Variants in HHIPL1 observed in about 807,000 individuals in gnomAD.
The protein encoded by HHIPL1 is HHIP-like protein 1.
In HHIPL1, 43 loss-of-function variants were observed where a neutral mutation model predicts 61.8. The observed-to-expected ratio is 0.70, with a 90% CI of 0.55 to 0.90. HHIPL1 has a LOEUF of 0.90. Ranked by LOEUF, HHIPL1 falls within the 40% of genes least tolerant of loss-of-function variation. HHIPL1 has a pLI of 0.00. For synonymous variants in HHIPL1, 482 were observed against 515.8 expected, an observed-to-expected ratio of 0.93 and a Z score of 0.89; for missense variants, 1,056 against 1,157.7, an observed-to-expected ratio of 0.91 and a Z score of 1.28.
chr14:99,674,503 G>A (rs2056363629), intron 8 of HHIPL1, among the ~76,000 whole-genome samples: 1 of 152,104 alleles, frequency 6.6e-6, no homozygotes, highest in Admixed American at 6.5e-5. Flanking sequence ...ACCCGCTGGT[G>A]CCAACCTTGG....
the HHIPL1 span, among the ~76,000 whole-genome samples, chr14:99,635,014 C>G: frequency 6.6e-6 from 1 of 152,160 alleles, no homozygotes; most frequent in African/African-American, 2.4e-5. Context: ...CACTACCTCC[C>G]CTCCGAGGGG....
In HHIPL1 at chr14:99,675,378, G is replaced by C. The variant is rs756403591; in HGVS notation, c.2101G>C (p.Asp701His). 1.3e-6 allele frequency: 2 copies of C among 1,515,282 alleles called. No individual in the cohort carries two copies. Among genetic ancestry groups the C allele is most frequent in the South Asian group, 2.4e-5 (2 of 81,788 alleles). The allele number at this position is 1,515,282 out of a possible 1,614,324, so 93.9% of individuals were successfully genotyped here. Residue 701 changes from aspartate to histidine, a missense_variant, in exon 9 of 9, where the codon GAC (aspartate) becomes CAC (histidine). Coordinates refer to ENST00000330710, the MANE Select transcript of HHIPL1 (RefSeq NM_001127258.3). This position sits in a 1 kb window ranked among gnomAD's most constrained non-coding sequence, Gnocchi z 5.4. ...FVGGRWGTVC[D>H]DSWNISGAAV... ...GGGCGGACGCTGGGGCACCGTGTGC[G>C]ACGACTCCTGGAACATCAGCGGCGC... is the stretch of plus-strand genomic sequence containing the variant.
At chr14:99,650,171 TGGGCCCTGGCCTG>T in intron 1 of HHIPL1, among the ~76,000 whole-genome samples, 1 of 152,180 alleles carries the variant, frequency 6.6e-6, no homozygotes, top group African/African-American at 2.4e-5. Context: ...CAGGAGTGAG[TGGGCCCTGGCCTG>T]GGGCTTGAGA....
intron 7 of HHIPL1, among the ~76,000 whole-genome samples, chr14:99,669,471 A>G (rs1424610964): frequency 6.6e-6 from 1 of 152,104 alleles, no homozygotes; most frequent in Non-Finnish European, 1.5e-5. Flanking sequence ...TTTGAGACAC[A>G]CCAGGTTTGG....
At position 99,652,580 on chromosome 14, in the gene HHIPL1, T is replaced by A; in HGVS notation, c.612T>A (p.Asp204Glu). 1 of 1,613,190 alleles carries A rather than the reference T, an allele frequency of 6.2e-7. No homozygotes were observed. Among genetic ancestry groups the A allele is most frequent in the Non-Finnish European group, 8.5e-7 (1 of 1,179,904 alleles). Residue 204 changes from aspartate (D) to glutamate (E), a missense_variant, in exon 2 of 9, where the codon GAT becomes GAA. Transcript: ENST00000330710. ...CCGTGGCCATGGTCCATGCCAGGGA[T>A]GGCACCCACCGCTTCTTCGTGGCCG... ...RNPVAMVHAR[D>E]GTHRFFVAEQ... is the part of the protein sequence containing the mutation.
intron 2 of HHIPL1, among the ~76,000 whole-genome samples, chr14:99,654,692 G>A (rs1488025588): frequency 6.6e-6 from 1 of 152,214 alleles, no homozygotes; most frequent in African/African-American, 2.4e-5. Flanking sequence ...AATCAAATAT[G>A]TTAGCTATGA....
At chr14:99,617,180 T>C in the HHIPL1 span, among the ~76,000 whole-genome samples, 1 of 152,148 alleles carries the variant, frequency 6.6e-6, no homozygotes, top group Non-Finnish European at 1.5e-5. Context: ...AAGTTACAAA[T>C]AAATGCATTC....
At chr14:99,605,369 A>AGGCGGGGCGGGGCGG in the HHIPL1 span, among the ~76,000 whole-genome samples, 13 of 76,712 alleles carry the variant, frequency 1.7e-4, no homozygotes, top group South Asian at 7.1e-4. Flanking sequence ...TACCGCCAGC[A>AGGCGGGGCGGGGCGG]GGCGGGGCGG....
In HHIPL1 at chr14:99,652,466, C is replaced by T; in HGVS notation, c.498C>T (p.Asn166=). Residue 166 remains asparagine (N), a synonymous_variant, in exon 2 of 9, where the codon AAC becomes AAT. Coordinates refer to ENST00000330710, the MANE Select transcript of HHIPL1 (RefSeq NM_001127258.3). ...YCFPYLLVNK[N]LNSNLGHVVA... ...TCCCTTACCTGCTGGTCAACAAGAA[C>T]CTCAACTCAAACCTGGGCCACGTGG... 1.2e-6 allele frequency: 2 copies of T among 1,614,096 alleles called. No homozygotes were observed. The highest frequency in any genetic ancestry group is 2.7e-5 in the African/African-American group (2 of 75,054).
At chr14:99,635,608 C>G in the HHIPL1 span, among the ~76,000 whole-genome samples, 1 of 152,122 alleles carries the variant, frequency 6.6e-6, no homozygotes, top group East Asian at 1.9e-4. Flanking sequence ...GTCAGGCTCC[C>G]CTTTCACCCT....
the HHIPL1 span, among the ~76,000 whole-genome samples, chr14:99,637,126 AAG>A: frequency 2.0e-4 from 25 of 126,378 alleles, 1 homozygote; most frequent in Non-Finnish European, 2.7e-4. Context: ...AAAGAAAAGA[AAG>A]AGAGAGAGAG....
At chr14:99,633,912 A>G in the HHIPL1 span, among the ~76,000 whole-genome samples, 5 of 152,340 alleles carry the variant, frequency 3.3e-5, no homozygotes, top group South Asian at 1.0e-3. Flanking sequence ...ACAGGATCAG[A>G]AGGCCCCTGG....
chr14:99,616,317 C>A, the HHIPL1 span, among the ~76,000 whole-genome samples: 1 of 152,222 alleles, frequency 6.6e-6, no homozygotes, highest in Non-Finnish European at 1.5e-5. Context: ...ATGACAGCAA[C>A]TAATGACACA....
At chr14:99,611,731 T>G in the HHIPL1 span, among the ~76,000 whole-genome samples, 1 of 118,070 alleles carries the variant, frequency 8.5e-6, no homozygotes, top group African/African-American at 2.6e-5. Context: ...CCCAGCCTAG[T>G]TTTTGGGTTG....
At position 99,652,618 on chromosome 14, in the gene HHIPL1, T is replaced by C; in HGVS notation, c.650T>C (p.Leu217Pro). Residue 217 changes from leucine to proline, a missense_variant, in exon 2 of 9, where the codon CTG becomes CCG. By Grantham distance (98) the Leu-to-Pro change is moderately conservative (BLOSUM62 -3). Coordinates refer to ENST00000330710, the MANE Select transcript of HHIPL1 (RefSeq NM_001127258.3). Reference protein sequence around the residue: ...HRFFVAEQVGLVWAYLPDRSR... With the variant: ...HRFFVAEQVGPVWAYLPDRSR... ...TTCTTCGTGGCCGAGCAGGTGGGGC[T>C]GGTGTGGGCCTACCTGCCCGACCGC... 6.2e-7 allele frequency: 1 copy of C among 1,613,460 alleles called. No individual in the cohort carries two copies. Among genetic ancestry groups the C allele is most frequent in the Non-Finnish European group, 8.5e-7 (1 of 1,179,808 alleles).
chr14:99,623,953 T>C, the HHIPL1 span, among the ~76,000 whole-genome samples: 1 of 152,188 alleles, frequency 6.6e-6, no homozygotes, highest in Admixed American at 6.5e-5. Context: ...AACACTCTGC[T>C]TTGTTATTGA....
the HHIPL1 span, among the ~76,000 whole-genome samples, chr14:99,618,423 G>T: frequency 6.6e-6 from 1 of 152,234 alleles, no homozygotes; most frequent in African/African-American, 2.4e-5. Flanking sequence ...ACTCGCCCAA[G>T]GAGTGAAATG....
chr14:99,606,242 G>A, the HHIPL1 span, among the ~76,000 whole-genome samples: 1 of 152,184 alleles, frequency 6.6e-6, no homozygotes, highest in African/African-American at 2.4e-5. Flanking sequence ...CCTGAGGGGA[G>A]GGGACATCCT....
At chr14:99,619,617 C>T in the HHIPL1 span, among the ~76,000 whole-genome samples, 58 of 152,238 alleles carry the variant, frequency 3.8e-4, no homozygotes, top group Non-Finnish European at 7.9e-4. Flanking sequence ...CCTCTGAGTT[C>T]TGGAACATGT....
Sources: gnomAD v4.1 joint callset for allele counts (sites outside exome capture counted in the v4.1 genomes callset) on GRCh38, gnomAD v4.1.1 for gene constraint, Gnocchi (gnomAD v3.1) non-coding constraint, MANE v1.5 for transcripts, NCBI Gene and HGNC (gene_info 2026-07-23, HGNC 2026-07-21) for gene names.